The following RTKN2 variants were observed in gnomAD, a reference collection of about 807,000 sequenced individuals.
RTKN2 encodes rhotekin 2, also known as rhotekin-2.
A neutral mutation model predicts 71.5 loss-of-function variants in RTKN2; 69 were observed. The ratio of observed to expected loss-of-function variants is 0.96; its 90% confidence interval spans 0.79 to 1.18. RTKN2 has a LOEUF of 1.18. RTKN2 is among the 50% of genes most tolerant of loss of function. The probability of loss-of-function intolerance (pLI) is 0.00; values close to 1 mark genes in which losing one functional copy is unlikely to be tolerated. For synonymous variants in RTKN2, 236 were observed against 236.5 expected, an observed-to-expected ratio of 1.00 and a Z score of 0.02; for missense variants, 724 against 719.7, an observed-to-expected ratio of 1.01 and a Z score of -0.07.
At chr10:62,214,496 G>T (rs10733769) in intron 9 of RTKN2, among the ~76,000 whole-genome samples, 87,181 of 151,978 alleles carry the variant, frequency 0.57, 25,468 homozygotes, top group East Asian at 0.9. Context: ...TTAGTCACCT[G>T]GCCATCAGCC....
chr10:62,185,868 T>A (rs552941477), intron 8 of RTKN2, among the ~76,000 whole-genome samples: 1 of 152,338 alleles, frequency 6.6e-6, no homozygotes, highest in South Asian at 2.1e-4. Context: ...ATAATAGTAA[T>A]AGCCACAGTA....
chr10:62,205,429 TAAAAC>T (rs1841531016), intron 9 of RTKN2, among the ~76,000 whole-genome samples: 2 of 152,138 alleles, frequency 1.3e-5, no homozygotes, highest in African/African-American at 4.8e-5. Flanking sequence ...TTCAAATTAA[TAAAAC>T]AGAAGAATCA....
chr10:62,261,720 C>T (rs1191268146), intron 2 of RTKN2, among the ~76,000 whole-genome samples: 1 of 152,060 alleles, frequency 6.6e-6, no homozygotes, highest in African/African-American at 2.4e-5. Context: ...ACTTTGTATC[C>T]AGGTCTCTAT....
Position 62,237,356 on chromosome 10 carries a change from G to A in RTKN2, c.489-1093C>T, listed in dbSNP as rs574543411. 5.9e-5 allele frequency among the ~76,000 whole-genome samples: 9 copies of A among 152,062 alleles called. No homozygotes were observed. In the South Asian group the frequency reaches 1.7e-3, roughly 28 times the overall value. ...AAATAAGAATTTGGAATAAGTTTATGTTAATGTATGTTAATGAGACAGAAT... is the reference window on the plus strand; with the variant it reads ...AAATAAGAATTTGGAATAAGTTTATATTAATGTATGTTAATGAGACAGAAT... On this transcript the variant is annotated intron_variant, in intron 5 of 11. Transcript: ENST00000373789.
chr10:62,210,839 A>T (rs1055849068), intron 9 of RTKN2, among the ~76,000 whole-genome samples: 24 of 152,180 alleles, frequency 1.6e-4, no homozygotes, highest in African/African-American at 5.8e-4. Flanking sequence ...TATTTTTGCT[A>T]TATTTACTTT....
intron 7 of RTKN2, among the ~76,000 whole-genome samples, chr10:62,219,867 T>C (rs1174875646): frequency 1.3e-5 from 2 of 152,172 alleles, no homozygotes; most frequent in Non-Finnish European, 2.9e-5. Context: ...CAAAAAACAT[T>C]AAGATAGTCC....
At chr10:62,185,375 T>C (rs1841117462) in intron 8 of RTKN2, among the ~76,000 whole-genome samples, 2 of 152,072 alleles carry the variant, frequency 1.3e-5, no homozygotes, top group Non-Finnish European at 1.5e-5. Context: ...CCCAGTGCTT[T>C]GGGTGGCCGA....
chr10:62,262,801 T>A lies in RTKN2; in HGVS notation c.81A>T (p.Lys27Asn), dbSNP rs1355424865. 1 of 1,607,488 alleles carries A rather than the reference T, an allele frequency of 6.2e-7. No homozygotes were observed. The highest frequency in any genetic ancestry group is 8.5e-7 in the Non-Finnish European group (1 of 1,177,658). ...PTQQDCNIQE[K>N]IDLEIRMREG... ...CTCGCATTCGAATTTCTAAGTCTAT[T>A]TTTTCTTGAATGTTGCAGTCCTAAA... The change falls in exon 2 of 12, where the codon AAA (lysine) becomes AAT (asparagine). Residue 27 changes from lysine (K) to asparagine (N), a missense_variant. Coordinates refer to ENST00000373789, the MANE Select transcript of RTKN2 (RefSeq NM_145307.4).
chr10:62,255,902 A>G (rs1211926319), intron 2 of RTKN2, among the ~76,000 whole-genome samples: 1 of 152,234 alleles, frequency 6.6e-6, no homozygotes, highest in African/African-American at 2.4e-5. Context: ...CTTTAGACTC[A>G]ATGTCCATCT....
At chr10:62,185,599 C>G (rs1001855944) in intron 8 of RTKN2, among the ~76,000 whole-genome samples, 101 of 152,004 alleles carry the variant, frequency 6.6e-4, no homozygotes, top group African/African-American at 2.3e-3. Context: ...AGCCTGGCAA[C>G]AGAGCAAGAC....
chr10:62,239,573 C>A, intron 5 of RTKN2, 75 bp downstream of exon 5: 2 of 622,754 alleles, frequency 3.2e-6, no homozygotes, highest in South Asian at 2.4e-5. Flanking sequence ...TCCAAAGAAC[C>A]AATAATAAGA....
At chr10:62,187,548 C>T (rs1841156498) in intron 8 of RTKN2, among the ~76,000 whole-genome samples, 1 of 152,182 alleles carries the variant, frequency 6.6e-6, no homozygotes, top group South Asian at 2.1e-4. Flanking sequence ...ATGTGTCACC[C>T]TCCCCTTGCA....
intron 10 of RTKN2, among the ~76,000 whole-genome samples, 162 bp from the exon 11 acceptor site, chr10:62,200,023 T>A (rs1299277449): frequency 1.3e-5 from 2 of 152,014 alleles, no homozygotes; most frequent in African/African-American, 4.8e-5. Flanking sequence ...CCTAATACTA[T>A]CCATAATTTC....
chr10:62,222,340 G>A (rs1342959895), intron 7 of RTKN2, among the ~76,000 whole-genome samples: 1 of 151,770 alleles, frequency 6.6e-6, no homozygotes, highest in East Asian at 1.9e-4. Context: ...TCAAACTCCT[G>A]GGCTCATGTG....
chr10:62,268,548 C>T lies in RTKN2; in HGVS notation c.60+3G>A. ...CCGCGGCAGGGTCCCTCCCGCAACTCACCTGCTGGGTGGGAAGCCCCGCCA... is the reference window on the plus strand; with the variant it reads ...CCGCGGCAGGGTCCCTCCCGCAACTTACCTGCTGGGTGGGAAGCCCCGCCA... On this transcript the variant is annotated splice_donor_region_variant and intron_variant, in intron 1 of 11. Transcript: ENST00000373789. The T allele has an allele frequency of 6.4e-7, 1 of 1,555,190 alleles. No individual in the cohort carries two copies. The highest frequency in any genetic ancestry group is 8.7e-7 in the Non-Finnish European group (1 of 1,149,142).
At chr10:62,184,590 C>T (rs1841105248) in intron 8 of RTKN2, among the ~76,000 whole-genome samples, 1 of 152,120 alleles carries the variant, frequency 6.6e-6, no homozygotes. Context: ...AGCAAACAAC[C>T]TTAAAGAATA....
chr10:62,196,119 G>A lies in RTKN2; in HGVS notation c.*1789C>T. 1.0e-6 allele frequency: 1 copy of A among 984,810 alleles called. No homozygotes were observed. Among genetic ancestry groups the A allele is most frequent in the Non-Finnish European group, 1.2e-6 (1 of 829,636 alleles). The allele number at this position is 984,810 out of a possible 1,614,324, so 61.0% of individuals were successfully genotyped here. On this transcript the variant is annotated 3_prime_UTR_variant, in exon 12 of 12. Transcript: ENST00000373789. The stretch of plus-strand genomic sequence containing the variant: ...CAGCATCTTCTAGCTCAATAATTTA[G>A]TGGCAATGACAGTCACAAATGCTGT...
chr10:62,217,045 C>A (rs1813959063), intron 9 of RTKN2, 73 bp downstream of exon 9: 3 of 1,099,702 alleles, frequency 2.7e-6, no homozygotes, highest in South Asian at 4.7e-5. Flanking sequence ...AAGACAACAA[C>A]AATGTAAACT....
chr10:62,245,345 T>G (rs1404560035), intron 3 of RTKN2, among the ~76,000 whole-genome samples: 2 of 152,124 alleles, frequency 1.3e-5, no homozygotes, highest in African/African-American at 4.8e-5. Context: ...ACAAGCTAAT[T>G]GGGTGTCAGA....
Sources: gnomAD v4.1 joint callset for allele counts (sites outside exome capture counted in the v4.1 genomes callset) on GRCh38, gnomAD v4.1.1 for gene constraint, MANE v1.5 for transcripts, NCBI Gene and HGNC (gene_info 2026-07-23, HGNC 2026-07-21) for gene names.